Variants in KLF7 observed in about 807,000 individuals in gnomAD.
KLF7 encodes Krueppel-like factor 7.
A neutral mutation model predicts 27.3 loss-of-function variants in KLF7; 2 were observed. The ratio of observed to expected loss-of-function variants is 0.07; its 90% CI spans 0.03 to 0.23. The LOEUF (loss-of-function observed/expected upper bound fraction) is 0.23. Ranked by LOEUF, KLF7 falls within the 10% of genes least tolerant of loss-of-function variation. The probability of loss-of-function intolerance (pLI) is 1.00; values close to 1 mark genes in which losing one functional copy is unlikely to be tolerated. For synonymous variants in KLF7, 165 were observed against 162.4 expected, an observed-to-expected ratio of 1.02 and a Z score of -0.12; for missense variants, 221 against 394.1, an observed-to-expected ratio of 0.56 and a Z score of 3.72.
chr2:207,113,584 A>G (rs1443773023), intron 2 of KLF7, among the ~76,000 whole-genome samples: 1 of 113,846 alleles, frequency 8.8e-6, no homozygotes, highest in Non-Finnish European at 1.7e-5. Context: ...ATTACCCTCC[A>G]GAATACAAAG....
intron 1 of KLF7, among the ~76,000 whole-genome samples, chr2:207,149,566 G>T (rs780080978): frequency 6.6e-6 from 1 of 152,244 alleles, no homozygotes; most frequent in Non-Finnish European, 1.5e-5. Flanking sequence ...CTCACAGACA[G>T]AGCTGCAGAT....
intron 1 of KLF7, among the ~76,000 whole-genome samples, chr2:207,144,555 C>A (rs1250249221): frequency 6.6e-6 from 1 of 152,098 alleles, no homozygotes; most frequent in Non-Finnish European, 1.5e-5. Context: ...TCATATGACC[C>A]AAGCCAACTG....
intron 1 of KLF7, among the ~76,000 whole-genome samples, chr2:207,135,525 T>C (rs2106035132): frequency 6.6e-6 from 1 of 152,310 alleles, no homozygotes; most frequent in African/African-American, 2.4e-5. Context: ...TCTTCAAAGA[T>C]ACCAGACCTG....
At chr2:207,170,365 G>A (rs941715417), upstream of KLF7, among the ~76,000 whole-genome samples, 4 of 152,176 alleles carry the variant, frequency 2.6e-5, no homozygotes, top group Admixed American at 2.6e-4. Flanking sequence ...GATTTATGAG[G>A]TTTAAGGGAA....
chr2:207,130,774 C>T (rs190889344), intron 1 of KLF7, among the ~76,000 whole-genome samples: 2 of 152,280 alleles, frequency 1.3e-5, no homozygotes, highest in East Asian at 3.9e-4. Context: ...AATATTTTTG[C>T]TACTACCCAA....
intron 2 of KLF7, among the ~76,000 whole-genome samples, chr2:207,101,288 A>C (rs763390872): frequency 1.6e-4 from 25 of 152,240 alleles, no homozygotes; most frequent in Non-Finnish European, 2.5e-4. Context: ...TTCACGTTAG[A>C]GCTCAGCTCC....
intron 2 of KLF7, among the ~76,000 whole-genome samples, chr2:207,101,165 G>A (rs1444144508): frequency 6.6e-6 from 1 of 152,196 alleles, no homozygotes. Context: ...CACCGGCAAT[G>A]AAAGAAATAG....
intron 1 of KLF7, among the ~76,000 whole-genome samples, chr2:207,143,051 C>T (rs1366789288): frequency 6.6e-6 from 1 of 152,140 alleles, no homozygotes; most frequent in Non-Finnish European, 1.5e-5. Flanking sequence ...AGAAATCATT[C>T]AAGGCATTTT....
chr2:207,165,791 C>T lies in KLF7; in HGVS notation c.-223G>A. On this transcript the variant is annotated 5_prime_UTR_variant, in exon 1 of 4. It removes an upstream start codon present in the reference 5' UTR. Coordinates refer to ENST00000309446, the MANE Select transcript of KLF7 (RefSeq NM_003709.4). ...AGTGAGTGGGGTGGATGGAGAGAGGCATCCAGCGTGTACAGTGCAGACGAC... is the reference window on the plus strand; with the variant it reads ...AGTGAGTGGGGTGGATGGAGAGAGGTATCCAGCGTGTACAGTGCAGACGAC... 2.1e-6 allele frequency: 3 copies of T among 1,425,786 alleles called. No individual in the cohort carries two copies. Among genetic ancestry groups the T allele is most frequent in the Non-Finnish European group, 2.7e-6 (3 of 1,095,344 alleles). 88.3% of individuals were successfully genotyped at this position (1,425,786 alleles called of 1,614,324 possible). A position where few individuals can be genotyped will look rare whatever the true frequency, so the allele number is the denominator to read the frequency against.
chr2:207,109,433 G>A (rs1041537359), intron 2 of KLF7, among the ~76,000 whole-genome samples: 1 of 152,132 alleles, frequency 6.6e-6, no homozygotes, highest in Non-Finnish European at 1.5e-5. Flanking sequence ...AACAGAGTAG[G>A]GCAGGCTCTG....
intron 1 of KLF7, among the ~76,000 whole-genome samples, chr2:207,128,420 G>C (rs184037392): frequency 1.3e-3 from 200 of 152,188 alleles, no homozygotes; most frequent in Non-Finnish European, 2.2e-3. Context: ...ATCACCATAG[G>C]CAAACAGCAA....
chr2:207,119,998 T>C (rs1324697557), intron 2 of KLF7, among the ~76,000 whole-genome samples: 1 of 152,218 alleles, frequency 6.6e-6, no homozygotes, highest in Non-Finnish European at 1.5e-5. Flanking sequence ...CTGGCCCTTA[T>C]GTCCATTTTT....
Position 207,079,559 on chromosome 2 carries a change from T to C in KLF7, c.*1654A>G, listed in dbSNP as rs2076233599. 1.3e-5 allele frequency: 2 copies of C among 152,300 alleles called. No individual in the cohort carries two copies. Among genetic ancestry groups the C allele is most frequent in the Non-Finnish European group, 2.9e-5 (2 of 68,126 alleles). The allele number at this position is 152,300 out of a possible 1,614,324, so 9.4% of individuals were successfully genotyped here. On this transcript the variant is annotated 3_prime_UTR_variant, in exon 4 of 4. Transcript: ENST00000309446. ...GCTTGCATAGGCCATTTGATGGTCC[T>C]AAAGGCAGTCTTTGGAGTTGAGGCC...
At chr2:207,136,644 A>G (rs2077797332) in intron 1 of KLF7, among the ~76,000 whole-genome samples, 2 of 152,174 alleles carry the variant, frequency 1.3e-5, no homozygotes, top group African/African-American at 2.4e-5. Context: ...ATCTTTCCCT[A>G]TTAACATAGA....
chr2:207,152,928 T>C (rs1381332724), intron 1 of KLF7, among the ~76,000 whole-genome samples: 2 of 152,168 alleles, frequency 1.3e-5, no homozygotes, highest in Non-Finnish European at 2.9e-5. Context: ...GTGCACGATC[T>C]GTCTAAAAGC....
chr2:207,164,310 C>A (rs2078634980), intron 1 of KLF7, among the ~76,000 whole-genome samples: 1 of 152,172 alleles, frequency 6.6e-6, no homozygotes, highest in African/African-American at 2.4e-5. Flanking sequence ...ACACACCGAG[C>A]CTCTCACAGC....
chr2:207,129,343 C>T lies in KLF7; in HGVS notation c.103-4939G>A, dbSNP rs183760819. On this transcript the variant is annotated intron_variant, in intron 1 of 3. Coordinates refer to ENST00000309446, the MANE Select transcript of KLF7 (RefSeq NM_003709.4). ...AAGGCTTCCCTCAGCCTGACCTAAC[C>T]ATACAACTTAAGGCTTGAGCCACTG... 2.1e-3 allele frequency among the ~76,000 whole-genome samples: 323 copies of T among 152,298 alleles called. 1 individual carries two copies. Among genetic ancestry groups the T allele is most frequent in the African/African-American group, 7.3e-3 (303 of 41,566 alleles).
intron 1 of KLF7, chr2:207,133,968 G>T: frequency 3.4e-6 from 3 of 883,274 alleles, no homozygotes; most frequent in Non-Finnish European, 5.1e-6. Context: ...TATTAATCCT[G>T]TTTTACAGCC....
In KLF7 at chr2:207,098,778, ATTTTTTT is replaced by A. The variant is rs1182598901; in HGVS notation, c.734-10204_734-10198del. On this transcript the variant is annotated intron_variant, in intron 2 of 3. Coordinates refer to ENST00000309446, the MANE Select transcript of KLF7 (RefSeq NM_003709.4). ...GCTCTGGTGCCACCACACTTGGCTA[ATTTTTTT>A]TTTTTTTTTTTTTTTGTAGAGACGA... is the stretch of plus-strand genomic sequence containing the variant. Among the ~76,000 whole-genome samples the A allele has an allele frequency of 1.1e-3, 115 of 104,678 alleles. 1 individual carries two copies. Among genetic ancestry groups the A allele is most frequent in the Non-Finnish European group, 1.8e-3 (100 of 56,610 alleles). The allele number at this position is 104,678 out of a possible 152,430, so 68.7% of individuals were successfully genotyped here.
Sources: allele counts gnomAD v4.1 joint callset (sites outside exome capture counted in the v4.1 genomes callset), GRCh38; gene constraint gnomAD v4.1.1; transcripts MANE v1.5; gene names NCBI Gene and HGNC (gene_info 2026-07-23, HGNC 2026-07-21).